TIAM1: variants seen among roughly 807,000 people sequenced by gnomAD.
The protein encoded by TIAM1 is rho guanine nucleotide exchange factor TIAM1.
A neutral mutation model predicts 163.5 loss-of-function variants in TIAM1; 65 were observed. That is an observed-to-expected ratio of 0.40 (90% CI 0.33 to 0.49). TIAM1 has a LOEUF of 0.49. Among genes scored for constraint, TIAM1 ranks in the 20% least tolerant of loss-of-function variants. The pLI is 0.77. For synonymous variants in TIAM1, 833 were observed against 810.1 expected (o/e 1.03, Z -0.48); for missense variants, 1,789 against 2,044.7 (o/e 0.87, Z 2.41).
intron 2 of TIAM1, among the ~76,000 whole-genome samples, chr21:31,448,276 T>A (rs764685278): frequency 2.0e-5 from 3 of 152,054 alleles, no homozygotes; most frequent in Admixed American, 6.6e-5. Context: ...AACATCTACA[T>A]TGACCAAGAT....
At chr21:31,220,143 C>G (rs1029100057) in intron 8 of TIAM1, among the ~76,000 whole-genome samples, 1 of 152,146 alleles carries the variant, frequency 6.6e-6, no homozygotes, top group Non-Finnish European at 1.5e-5. Context: ...GTATAAAATA[C>G]GTCGACATAT....
chr21:31,427,144 C>T (rs2043821326), intron 2 of TIAM1, among the ~76,000 whole-genome samples: 1 of 152,128 alleles, frequency 6.6e-6, no homozygotes, highest in Non-Finnish European at 1.5e-5. Context: ...GGACAAATTC[C>T]TGGCCTCAAG....
intron 1 of TIAM1, among the ~76,000 whole-genome samples, chr21:31,550,936 C>A (rs151199133): frequency 6.6e-6 from 1 of 152,156 alleles, no homozygotes; most frequent in Non-Finnish European, 1.5e-5. Flanking sequence ...TAAGGCCAGG[C>A]GCAGTGGCTC....
chr21:31,229,695 G>GC (rs1313986039), intron 6 of TIAM1, among the ~76,000 whole-genome samples: 2 of 151,792 alleles, frequency 1.3e-5, no homozygotes, highest in African/African-American at 4.8e-5. Flanking sequence ...TGTTGCCCAG[G>GC]CTGGAGTGCA....
At chr21:31,170,215 A>G (rs1335708759) in intron 15 of TIAM1, among the ~76,000 whole-genome samples, 4 of 152,238 alleles carry the variant, frequency 2.6e-5, no homozygotes, top group African/African-American at 9.6e-5. Context: ...CTGGAAAACT[A>G]TATTAGGCAA....
At chr21:31,536,937 G>C (rs2048155257) in intron 1 of TIAM1, among the ~76,000 whole-genome samples, 1 of 152,244 alleles carries the variant, frequency 6.6e-6, no homozygotes, top group Non-Finnish European at 1.5e-5. Flanking sequence ...GATTGTCACA[G>C]TTCTGGACAC....
At chr21:31,507,013 T>C (rs1369617459) in intron 1 of TIAM1, among the ~76,000 whole-genome samples, 3 of 152,106 alleles carry the variant, frequency 2.0e-5, no homozygotes, top group African/African-American at 4.8e-5. Context: ...GACACTTGGG[T>C]TGCTTCCTCT....
At position 31,547,424 on chromosome 21, in the gene TIAM1, G is replaced by C. The variant is rs958185492; in HGVS notation, c.-422+11503C>G. ...TTGATACAATTGGTGAGGTTTCACA[G>C]GGCCAAGGTTGCAGGCAGATCCAAC... On this transcript the variant is annotated intron_variant, in intron 1 of 28. Coordinates refer to the TIAM1 transcript ENST00000286827. 6.6e-5 allele frequency among the ~76,000 whole-genome samples: 10 copies of C among 152,274 alleles called. No individual in the cohort carries two copies. The South Asian group carries it at 2.1e-3, about 32-fold the overall frequency.
Position 31,124,604 on chromosome 21 carries a change from A to T in TIAM1, c.4224T>A (p.Leu1408=), listed in dbSNP as rs750780017. The T allele has an allele frequency of 8.7e-6, 14 of 1,613,800 alleles. No homozygotes were observed. The highest frequency in any genetic ancestry group is 1.2e-5 in the Non-Finnish European group (14 of 1,179,908). The change falls in exon 27 of 28, where the codon CTT becomes CTA. Residue 1408 remains leucine (L), a synonymous_variant. Coordinates refer to ENST00000541036, the MANE Select transcript of TIAM1 (RefSeq NM_001353694.2). The part of the protein sequence containing the change: ...HRRQLLKTES[L]PSSQQYVPFG... The stretch of plus-strand genomic sequence containing the variant: ...AAGGGACATATTGCTGGGATGAGGG[A>T]AGGCTCTCGGTTTTGAGGAGCTGTC...
chr21:31,537,440 C>G (rs1218858437), intron 1 of TIAM1, among the ~76,000 whole-genome samples: 2 of 94,460 alleles, frequency 2.1e-5, no homozygotes, highest in Non-Finnish European at 4.1e-5. Context: ...TGCAAGAAAT[C>G]GCAAAAAAAA....
chr21:31,515,137 C>G (rs2047339666), intron 1 of TIAM1, among the ~76,000 whole-genome samples: 3 of 152,158 alleles, frequency 2.0e-5, no homozygotes, highest in African/African-American at 4.8e-5. Flanking sequence ...TGTTATCCAC[C>G]TTTTACCTTT....
intron 1 of TIAM1, among the ~76,000 whole-genome samples, chr21:31,531,251 T>G (rs1284077586): frequency 1.3e-5 from 2 of 152,190 alleles, no homozygotes. Flanking sequence ...CCTGGGCCTC[T>G]GTCCAATCGG....
At chr21:31,385,055 C>T (rs565346858) in intron 2 of TIAM1, among the ~76,000 whole-genome samples, 1 of 152,208 alleles carries the variant, frequency 6.6e-6, no homozygotes, top group Admixed American at 6.5e-5. Flanking sequence ...CACATGGCTT[C>T]ATGCTGTCTT....
intron 2 of TIAM1, among the ~76,000 whole-genome samples, chr21:31,304,166 G>C (rs1368033657): frequency 6.6e-6 from 1 of 152,088 alleles, no homozygotes; most frequent in Non-Finnish European, 1.5e-5. Flanking sequence ...TACTCCTCTA[G>C]CAAAGAAAAA....
intron 3 of TIAM1, among the ~76,000 whole-genome samples, chr21:31,274,436 GA>G (rs2073200687): frequency 6.6e-6 from 1 of 152,134 alleles, no homozygotes; most frequent in South Asian, 2.1e-4. Context: ...AAACAGGAAA[GA>G]AAAAGACACA....
At chr21:31,508,866 C>T (rs556484197) in intron 1 of TIAM1, among the ~76,000 whole-genome samples, 1 of 152,214 alleles carries the variant, frequency 6.6e-6, no homozygotes, top group South Asian at 2.1e-4. Flanking sequence ...CTGATCACCC[C>T]CATGGGAGAC....
At position 31,147,022 on chromosome 21, in the gene TIAM1, G is replaced by A. The variant is rs773447716; in HGVS notation, c.3367-19C>T. The A allele has an allele frequency of 1.7e-4, 277 of 1,605,898 alleles. No individual in the cohort carries two copies. The highest frequency in any genetic ancestry group is 2.3e-4 in the Non-Finnish European group (267 of 1,172,858). ...GCACTTTCTGGATTTGACGAGAAAA[G>A]GCACAGTTGGTTGTTTCCTTCCTCC... is the stretch of plus-strand genomic sequence containing the variant. On this transcript the variant is annotated intron_variant, in intron 19 of 27. Transcript: ENST00000541036.
intron 1 of TIAM1, among the ~76,000 whole-genome samples, chr21:31,342,867 G>A (rs558486293): frequency 6.1e-4 from 93 of 152,310 alleles, no homozygotes; most frequent in South Asian, 1.2e-3. Flanking sequence ...GGGAGAGTCA[G>A]AGCAAGCTAA....
At chr21:31,444,133 G>C (rs532629435) in intron 2 of TIAM1, among the ~76,000 whole-genome samples, 1 of 152,256 alleles carries the variant, frequency 6.6e-6, no homozygotes, top group Non-Finnish European at 1.5e-5. Flanking sequence ...CCAGCAGCGG[G>C]ATCTGTGTTT....
Sources: gnomAD v4.1 joint callset for allele counts (sites outside exome capture counted in the v4.1 genomes callset) on GRCh38, gnomAD v4.1.1 for gene constraint, MANE v1.5 for transcripts, NCBI Gene and HGNC (gene_info 2026-07-23, HGNC 2026-07-21) for gene names.